DCDC2C: variants seen among roughly 807,000 people sequenced by gnomAD.
The protein encoded by DCDC2C is doublecortin domain-containing protein 2C.
DCDC2C carries 44 observed loss-of-function variants against 45.0 expected under a neutral mutation model. The observed-to-expected ratio is 0.98, with a 90% CI of 0.77 to 1.26. DCDC2C has a LOEUF of 1.26. Among genes scored for constraint, DCDC2C ranks in the 50% most tolerant of loss-of-function variants. DCDC2C has a pLI of 0.00. For missense variants in DCDC2C, 447 were observed against 468.9 expected, an observed-to-expected ratio of 0.95 and a Z score of 0.43; for synonymous variants, 187 against 178.8, an observed-to-expected ratio of 1.05 and a Z score of -0.37.
At chr2:3,790,475 T>G (rs547867613) in intron 10 of DCDC2C, among the ~76,000 whole-genome samples, 10 of 152,318 alleles carry the variant, frequency 6.6e-5, no homozygotes, top group Non-Finnish European at 4.4e-5. Context: ...CTTGTGTGCT[T>G]TCTCAATCAG....
At chr2:3,735,279 T>C (rs958026712) in intron 3 of DCDC2C, among the ~76,000 whole-genome samples, 33 of 152,062 alleles carry the variant, frequency 2.2e-4, no homozygotes, top group African/African-American at 8.0e-4. Context: ...TTATTATTAT[T>C]ATACTTTAAG....
chr2:3,778,753 T>C, intron 8 of DCDC2C, 63 bp from the exon 9 acceptor site: 1 of 1,494,548 alleles, frequency 6.7e-7, no homozygotes, highest in Non-Finnish European at 9.1e-7. Flanking sequence ...TCACGTGCTC[T>C]CTGATTTTTT....
At chr2:3,774,007 C>A (rs1177045474) in intron 8 of DCDC2C, among the ~76,000 whole-genome samples, 1 of 152,220 alleles carries the variant, frequency 6.6e-6, no homozygotes, top group Non-Finnish European at 1.5e-5. Context: ...GTGCCCCCTG[C>A]ACTGTGCCTC....
intron 10 of DCDC2C, among the ~76,000 whole-genome samples, chr2:3,843,595 G>A (rs74375764): frequency 0.025 from 3,825 of 152,342 alleles, 57 homozygotes; most frequent in Admixed American, 0.038. Flanking sequence ...GTGAAAGGTT[G>A]ATTGCTATGG....
intron 2 of DCDC2C, among the ~76,000 whole-genome samples, chr2:3,715,666 A>G (rs1008951113): frequency 6.6e-6 from 1 of 152,268 alleles, no homozygotes; most frequent in East Asian, 1.9e-4. Flanking sequence ...GTGGCTGATT[A>G]TGCCACAGCA....
At chr2:3,705,640 C>T (rs531634293) in intron 1 of DCDC2C, among the ~76,000 whole-genome samples, 2 of 152,266 alleles carry the variant, frequency 1.3e-5, no homozygotes, top group African/African-American at 4.8e-5. Flanking sequence ...TGCCACGAAG[C>T]CTGGAGTGTG....
intron 3 of DCDC2C, among the ~76,000 whole-genome samples, chr2:3,736,855 CAAT>C (rs1669046902): frequency 6.6e-6 from 1 of 152,112 alleles, no homozygotes; most frequent in African/African-American, 2.4e-5. Flanking sequence ...TAGAAAAACA[CAAT>C]AATAACTGTT....
chr2:3,750,563 G>A (rs867869421), intron 4 of DCDC2C, among the ~76,000 whole-genome samples: 16 of 152,134 alleles, frequency 1.1e-4, no homozygotes, highest in Middle Eastern at 3.4e-3. Context: ...AAATATCACC[G>A]TCTTTCCTGT....
intron 6 of DCDC2C, among the ~76,000 whole-genome samples, chr2:3,755,472 C>CAT (rs60649216): frequency 0.97 from 147,191 of 152,158 alleles, 71,373 homozygotes; most frequent in Non-Finnish European, 1. Flanking sequence ...TGTATGGAGA[C>CAT]ATGTGTGCAT....
intron 10 of DCDC2C, among the ~76,000 whole-genome samples, chr2:3,841,482 AATTTT>A (rs2148246756): frequency 7.0e-6 from 1 of 141,976 alleles, no homozygotes; most frequent in African/African-American, 2.6e-5. Flanking sequence ...TGCACATTCT[AATTTT>A]ATGTGTTTTT....
chr2:3,834,618 T>C (rs1270621543), intron 10 of DCDC2C, among the ~76,000 whole-genome samples: 1 of 152,250 alleles, frequency 6.6e-6, no homozygotes, highest in Non-Finnish European at 1.5e-5. Context: ...GTTGGCATCA[T>C]TGTGAGCTCA....
intron 6 of DCDC2C, among the ~76,000 whole-genome samples, chr2:3,757,685 G>A (rs1669759595): frequency 1.3e-5 from 2 of 152,266 alleles, no homozygotes; most frequent in East Asian, 1.9e-4. Context: ...AAGTTTCCAC[G>A]ACTGGAGAAG....
intron 2 of DCDC2C, among the ~76,000 whole-genome samples, chr2:3,712,697 T>C (rs1668247386): frequency 6.6e-6 from 1 of 152,114 alleles, no homozygotes; most frequent in Admixed American, 6.5e-5. Flanking sequence ...ATAGAAATGC[T>C]TTGGTGAGAT....
chr2:3,740,333 G>C (rs1669167342), intron 3 of DCDC2C, among the ~76,000 whole-genome samples: 1 of 152,182 alleles, frequency 6.6e-6, no homozygotes, highest in South Asian at 2.1e-4. Context: ...CATGGTGTGG[G>C]ATGACTGGGT....
At chr2:3,760,321 A>G (rs925667596) in intron 6 of DCDC2C, among the ~76,000 whole-genome samples, 3 of 152,236 alleles carry the variant, frequency 2.0e-5, no homozygotes, top group Admixed American at 1.3e-4. Flanking sequence ...CAGCAATCCC[A>G]TTACTGGGTA....
chr2:3,751,605 C>G (rs1669544620), intron 4 of DCDC2C, among the ~76,000 whole-genome samples: 3 of 152,236 alleles, frequency 2.0e-5, no homozygotes, highest in African/African-American at 7.2e-5. Flanking sequence ...GGGCCCAGAA[C>G]TCTGAAGCTG....
At chr2:3,825,565 A>G (rs1671794724) in intron 10 of DCDC2C, among the ~76,000 whole-genome samples, 1 of 152,164 alleles carries the variant, frequency 6.6e-6, no homozygotes, top group Non-Finnish European at 1.5e-5. Context: ...GGGAGACAGG[A>G]TGGCAGTGGA....
intron 10 of DCDC2C, among the ~76,000 whole-genome samples, chr2:3,795,537 T>C (rs1469129155): frequency 1.6e-5 from 2 of 123,764 alleles, no homozygotes; most frequent in Non-Finnish European, 3.3e-5. Context: ...CTTGAATTGA[T>C]TTTTGTATAA....
chr2:3,814,852 T>C (rs1038347477), intron 10 of DCDC2C, among the ~76,000 whole-genome samples: 5 of 152,244 alleles, frequency 3.3e-5, no homozygotes, highest in African/African-American at 1.2e-4. Context: ...TGTTGGGCTG[T>C]AGGGGACAAG....
Sources: allele counts gnomAD v4.1 joint callset (sites outside exome capture counted in the v4.1 genomes callset), GRCh38; gene constraint gnomAD v4.1.1; transcripts MANE v1.5; gene names NCBI Gene and HGNC (gene_info 2026-07-23, HGNC 2026-07-21).